The following ZNF407 variants were observed in gnomAD, a reference collection of about 807,000 sequenced individuals.
The protein encoded by ZNF407 is zinc finger protein 407.
Under a neutral mutation model 131.2 loss-of-function variants are expected in ZNF407, and 17 were observed. The observed-to-expected ratio is 0.13, with a 90% CI of 0.09 to 0.19. The LOEUF is 0.19. Among genes scored for constraint, ZNF407 ranks in the 10% least tolerant of loss-of-function variants. ZNF407 has a pLI of 1.00. For synonymous variants in ZNF407, 1,156 were observed against 1,062.0 expected (o/e 1.09, Z -1.72); for missense variants, 2,681 against 2,830.6 (o/e 0.95, Z 1.20).
At chr18:74,853,288 C>T (rs1390533354) in intron 4 of ZNF407, among the ~76,000 whole-genome samples, 2 of 152,152 alleles carry the variant, frequency 1.3e-5, no homozygotes, top group East Asian at 1.9e-4. Flanking sequence ...TAGAGTAAAT[C>T]GTAGAAAGCC....
intron 3 of ZNF407, among the ~76,000 whole-genome samples, chr18:74,778,953 T>A (rs1054935423): frequency 6.6e-6 from 1 of 151,558 alleles, no homozygotes; most frequent in African/African-American, 2.4e-5. Context: ...GTATATATAT[T>A]TTTAAAAGTT....
At chr18:75,026,168 A>G (rs895260411) in intron 8 of ZNF407, among the ~76,000 whole-genome samples, 6 of 152,226 alleles carry the variant, frequency 3.9e-5, no homozygotes, top group African/African-American at 1.4e-4. Flanking sequence ...AATATATTGT[A>G]ATATACGACA....
Position 75,064,571 on chromosome 18 carries a change from G to C in ZNF407, c.*103G>C. The C allele has an allele frequency of 9.0e-7, 1 of 1,113,456 alleles. No individual in the cohort carries two copies. Among genetic ancestry groups the C allele is most frequent in the Non-Finnish European group, 1.2e-6 (1 of 805,136 alleles). The allele number at this position is 1,113,456 out of a possible 1,614,324, so 69.0% of individuals were successfully genotyped here. A position where few individuals can be genotyped will look rare whatever the true frequency, so the allele number is the denominator to read the frequency against. ...TCATCTGAAACCTTCAAAACCATGA[G>C]GACAAGGCTCCCGTGAGCTCTGAGC... On this transcript the variant is annotated 3_prime_UTR_variant, in exon 9 of 9. Transcript: ENST00000299687.
intron 8 of ZNF407, among the ~76,000 whole-genome samples, chr18:74,939,208 C>G (rs1035248625): frequency 6.6e-6 from 1 of 152,088 alleles, no homozygotes; most frequent in Non-Finnish European, 1.5e-5. Flanking sequence ...CATTTACATT[C>G]CACTTTACTC....
chr18:74,635,286 G>A lies in ZNF407; in HGVS notation c.4267G>A (p.Ala1423Thr). The A allele has an allele frequency of 6.2e-7, 1 of 1,614,032 alleles. No individual in the cohort carries two copies. Among genetic ancestry groups the A allele is most frequent in the Non-Finnish European group, 8.5e-7 (1 of 1,179,890 alleles). ...RIRCDDCGFL[A>T]DGLSGLNVHI... Reference sequence around the variant, plus strand: ...TCGCTGTGATGATTGTGGCTTCTTAGCAGATGGACTGAGTGGACTGAATGT... The same window carrying A: ...TCGCTGTGATGATTGTGGCTTCTTAACAGATGGACTGAGTGGACTGAATGT... Residue 1423 changes from alanine (A) to threonine (T), a missense_variant, in exon 2 of 9, where the codon GCA becomes ACA. Physicochemically the swap from Ala to Thr is moderately conservative, Grantham distance 58. This residue lies in a region of ZNF407 where 1,789 missense variants were observed against 1,748.7 expected (regional missense o/e 1.02). Transcript: ENST00000299687. This position sits in a 1 kb window ranked among gnomAD's most constrained non-coding sequence, Gnocchi z 4.7.
In ZNF407 at chr18:74,696,770, C is replaced by T. The variant is rs150990813; in HGVS notation, c.4802+55648C>T. Among the ~76,000 whole-genome samples the T allele has an allele frequency of 1.3e-3, 193 of 152,246 alleles. 1 individual carries two copies. Among genetic ancestry groups the T allele is most frequent in the Non-Finnish European group, 2.4e-3 (163 of 68,020 alleles). ...TGTGGTAGTAATATGGAAACTGGTA[C>T]ATCATGGATGCTCTTGCTTCCTGGT... is the stretch of plus-strand genomic sequence containing the variant. On this transcript the variant is annotated intron_variant, in intron 3 of 8. Coordinates refer to ENST00000299687, the MANE Select transcript of ZNF407 (RefSeq NM_017757.3).
chr18:74,868,370 G>T (rs115961525), intron 4 of ZNF407, among the ~76,000 whole-genome samples: 1 of 152,068 alleles, frequency 6.6e-6, no homozygotes, highest in Non-Finnish European at 1.5e-5. Flanking sequence ...CTGATCATGG[G>T]CACCTGGGAA....
intron 8 of ZNF407, among the ~76,000 whole-genome samples, chr18:74,989,388 A>G (rs1235290122): frequency 3.9e-5 from 6 of 152,242 alleles, no homozygotes; most frequent in African/African-American, 1.4e-4. Context: ...ACAGGGCTGT[A>G]TAGATTTGTC....
chr18:74,702,205 G>A (rs1967513466), intron 3 of ZNF407, among the ~76,000 whole-genome samples: 1 of 152,128 alleles, frequency 6.6e-6, no homozygotes. Flanking sequence ...AATGACAGTA[G>A]CTCACGGTCA....
chr18:74,676,867 C>T (rs575683876), intron 3 of ZNF407, among the ~76,000 whole-genome samples: 17 of 152,260 alleles, frequency 1.1e-4, no homozygotes, highest in Admixed American at 1.0e-3. Flanking sequence ...GTCTTTTCCA[C>T]AGTTTAGTAA....
intron 3 of ZNF407, among the ~76,000 whole-genome samples, chr18:74,720,757 T>G (rs1232158804): frequency 6.6e-6 from 1 of 151,986 alleles, no homozygotes; most frequent in Admixed American, 6.6e-5. Context: ...CGTCAATGAG[T>G]GTTCTTGAAG....
chr18:74,953,884 T>G (rs1399169881), intron 8 of ZNF407, among the ~76,000 whole-genome samples: 1 of 152,196 alleles, frequency 6.6e-6, no homozygotes, highest in Non-Finnish European at 1.5e-5. Flanking sequence ...GCTGGGCTGC[T>G]TTATTCTGGG....
chr18:75,017,465 T>C (rs1973058708), intron 8 of ZNF407, among the ~76,000 whole-genome samples: 1 of 152,246 alleles, frequency 6.6e-6, no homozygotes, highest in African/African-American at 2.4e-5. Flanking sequence ...CAGGGAGGTT[T>C]ATAGGGATGA....
At chr18:74,819,956 C>T (rs148910872) in intron 4 of ZNF407, among the ~76,000 whole-genome samples, 1 of 152,198 alleles carries the variant, frequency 6.6e-6, no homozygotes, top group East Asian at 1.9e-4. Flanking sequence ...TGTAGCAGGG[C>T]TCCATAGGTA....
At chr18:74,778,225 C>A (rs553308213) in intron 3 of ZNF407, among the ~76,000 whole-genome samples, 5 of 152,116 alleles carry the variant, frequency 3.3e-5, no homozygotes, top group African/African-American at 4.8e-5. Context: ...TACCAGCCCC[C>A]AGGTTTATGC....
intron 3 of ZNF407, among the ~76,000 whole-genome samples, chr18:74,740,807 G>A (rs114130879): frequency 2.2e-3 from 336 of 152,250 alleles, no homozygotes; most frequent in African/African-American, 7.8e-3. Flanking sequence ...GAGGTAAGTA[G>A]TTACTAGACC....
chr18:74,739,945 A>G (rs1599113553), intron 3 of ZNF407, among the ~76,000 whole-genome samples: 2 of 152,308 alleles, frequency 1.3e-5, no homozygotes, highest in Admixed American at 1.3e-4. Flanking sequence ...ATAGGCATTC[A>G]GTTTTGAATA....
chr18:75,060,507 C>CTTTTTTTTTTT (rs564194650), intron 8 of ZNF407, among the ~76,000 whole-genome samples: 14 of 124,456 alleles, frequency 1.1e-4, no homozygotes, highest in East Asian at 4.7e-4. Flanking sequence ...TTCTTTTTTT[C>CTTTTTTTTTTT]TTTTTTTTTT....
intron 3 of ZNF407, among the ~76,000 whole-genome samples, chr18:74,722,674 C>T (rs1968067179): frequency 6.6e-6 from 1 of 152,148 alleles, no homozygotes; most frequent in African/African-American, 2.4e-5. Context: ...CAGGCAGGCA[C>T]CCCTCCCACC....
Sources: gnomAD v4.1 joint callset for allele counts (sites outside exome capture counted in the v4.1 genomes callset) on GRCh38, gnomAD v4.1.1 for gene constraint, gnomAD v4.1.1 regional missense constraint, Gnocchi (gnomAD v3.1) non-coding constraint, MANE v1.5 for transcripts, NCBI Gene and HGNC (gene_info 2026-07-23, HGNC 2026-07-21) for gene names.